Variants in TUBA1C observed in about 807,000 individuals in gnomAD.
TUBA1C encodes tubulin alpha 1c, also known as tubulin alpha-1C chain.
TUBA1C carries 16 observed loss-of-function variants against 34.9 expected under a neutral mutation model. The ratio of observed to expected loss-of-function variants is 0.46; its 90% confidence interval spans 0.31 to 0.70. The LOEUF (loss-of-function observed/expected upper bound fraction) is 0.70. Among genes scored for constraint, TUBA1C ranks in the 30% least tolerant of loss-of-function variants. The pLI, the probability that TUBA1C is intolerant of heterozygous loss-of-function variation, is 0.05. For synonymous variants in TUBA1C, 177 were observed against 215.9 expected, an observed-to-expected ratio of 0.82 and a Z score of 1.58; for missense variants, 329 against 587.3, an observed-to-expected ratio of 0.56 and a Z score of 4.55.
rs1317785403 is a variant in TUBA1C at position 49,265,092 on chromosome 12, C to T, written c.-90C>T. The T allele has an allele frequency of 3.4e-6, 5 of 1,490,322 alleles. No individual in the cohort carries two copies. Among genetic ancestry groups the T allele is most frequent in the South Asian group, 2.7e-5 (2 of 72,758 alleles). 92.3% of individuals were successfully genotyped at this position (1,490,322 alleles called of 1,614,324 possible). On this transcript the variant is annotated 5_prime_UTR_variant, in exon 1 of 4. Coordinates refer to ENST00000301072, the MANE Select transcript of TUBA1C (RefSeq NM_032704.5). ...GCCGGCCACCCTTTCACTACTTCTC[C>T]CCCGGACTCCTTGGTAGTCTGTTAG...
chr12:49,265,187 G>C lies in TUBA1C; in HGVS notation c.3+3G>C. On this transcript the variant is annotated splice_donor_region_variant and intron_variant, in intron 1 of 3. Coordinates refer to ENST00000301072, the MANE Select transcript of TUBA1C (RefSeq NM_032704.5). ...GACCCCTTCAAGTTCTAGTCATGGT[G>C]AGTGGGGTTCCCTCGGGGCTGGGGA... 6.2e-7 allele frequency: 1 copy of C among 1,602,950 alleles called. No homozygotes were observed. The highest frequency in any genetic ancestry group is 1.1e-5 in the South Asian group (1 of 89,750).
chr12:49,249,864 CAAT>C (rs767535451), intron 1 of TUBA1C, among the ~76,000 whole-genome samples: 12 of 150,782 alleles, frequency 8.0e-5, no homozygotes, highest in South Asian at 2.1e-4. Flanking sequence ...ACATTGTCTC[CAAT>C]AATAATAATA....
At chr12:49,264,809 TTCCTCC>T (rs1942879216), upstream of TUBA1C, 4 of 90,160 alleles carry the variant, frequency 4.4e-5, no homozygotes, top group Admixed American at 1.0e-4. Flanking sequence ...CTTCCTCCCC[TTCCTCC>T]CCTTCCTCCC....
intron 1 of TUBA1C, among the ~76,000 whole-genome samples, chr12:49,268,499 T>C (rs1942946179): frequency 6.6e-6 from 1 of 152,052 alleles, no homozygotes; most frequent in Non-Finnish European, 1.5e-5. Context: ...CACCTTGGCC[T>C]CCCAAAGTGC....
At chr12:49,264,025 C>T (rs1428278824), upstream of TUBA1C, among the ~76,000 whole-genome samples, 1 of 151,994 alleles carries the variant, frequency 6.6e-6, no homozygotes, top group African/African-American at 2.4e-5. Context: ...TCGAGACCAT[C>T]CTAGCTAACA....
intron 1 of TUBA1C, among the ~76,000 whole-genome samples, chr12:49,256,950 C>T (rs932072356): frequency 2.6e-5 from 4 of 151,920 alleles, no homozygotes; most frequent in African/African-American, 7.3e-5. Flanking sequence ...GAGGCTGAGG[C>T]GGGTGGATTA....
chr12:49,265,233 C>T (rs1188747217), intron 1 of TUBA1C, 49 bp downstream of exon 1: 8 of 1,528,954 alleles, frequency 5.2e-6, no homozygotes, highest in African/African-American at 4.1e-5. Context: ...TCCCAGGGGA[C>T]GGCGGGCCCG....
chr12:49,250,299 C>T (rs940672858), intron 1 of TUBA1C, among the ~76,000 whole-genome samples: 13 of 151,590 alleles, frequency 8.6e-5, no homozygotes, highest in South Asian at 2.1e-4. Context: ...CCCAGGCAGG[C>T]GGATCACGAG....
chr12:49,247,902 C>G (rs1942688383), intron 1 of TUBA1C, among the ~76,000 whole-genome samples: 1 of 144,804 alleles, frequency 6.9e-6, no homozygotes, highest in Non-Finnish European at 1.5e-5. Flanking sequence ...GAGCCGAGAT[C>G]CTGACACTAC....
intron 1 of TUBA1C, among the ~76,000 whole-genome samples, chr12:49,247,594 ACT>A (rs1417310471): frequency 1.3e-5 from 2 of 151,824 alleles, no homozygotes; most frequent in Non-Finnish European, 2.9e-5. Flanking sequence ...ACAGAGCGAG[ACT>A]CTGTCTCAAA....
intron 1 of TUBA1C, among the ~76,000 whole-genome samples, chr12:49,240,073 C>CACAG (rs1942597755): frequency 6.6e-6 from 1 of 151,390 alleles, no homozygotes; most frequent in African/African-American, 2.4e-5. Flanking sequence ...CACACACACA[C>CACAG]ACACCCTGCC....
intron 1 of TUBA1C, among the ~76,000 whole-genome samples, chr12:49,231,176 T>C (rs1223725016): frequency 2.6e-5 from 4 of 152,148 alleles, no homozygotes; most frequent in African/African-American, 9.7e-5. Context: ...TTAATTGTTG[T>C]TTTTTATAGT....
chr12:49,244,883 A>G (rs573478889), intron 1 of TUBA1C, among the ~76,000 whole-genome samples: 1 of 152,094 alleles, frequency 6.6e-6, no homozygotes, highest in Non-Finnish European at 1.5e-5. Flanking sequence ...ATCCTCCCAG[A>G]TGCTTGCTCA....
intron 1 of TUBA1C, among the ~76,000 whole-genome samples, chr12:49,228,990 C>T (rs943274814): frequency 2.6e-5 from 4 of 152,166 alleles, no homozygotes; most frequent in African/African-American, 9.7e-5. Flanking sequence ...TATTGAACTT[C>T]TCAGGAATAT....
At chr12:49,246,679 A>G (rs1221066592) in intron 1 of TUBA1C, among the ~76,000 whole-genome samples, 1 of 151,520 alleles carries the variant, frequency 6.6e-6, no homozygotes, top group African/African-American at 2.4e-5. Context: ...AAAAAAAAAG[A>G]GAAAATGGCC....
At position 49,269,962 on chromosome 12, in the gene TUBA1C, C is replaced by A; in HGVS notation, c.361C>A (p.Arg121=). 6.2e-7 allele frequency: 1 copy of A among 1,614,198 alleles called. No individual in the cohort carries two copies. Among genetic ancestry groups the A allele is most frequent in the Non-Finnish European group, 8.5e-7 (1 of 1,180,048 alleles). The part of the protein sequence containing the change: ...GKEIIDLVLD[R]IRKLADQCTG... ...GGAGATCATTGACCTCGTGTTGGAC[C>A]GAATTCGCAAGCTGGTAAGTATAGT... The change falls in exon 3 of 4, where the codon CGA becomes AGA. Residue 121 remains arginine, a synonymous_variant. Transcript: ENST00000301072.
chr12:49,245,707 G>A (rs1942660256), intron 1 of TUBA1C, among the ~76,000 whole-genome samples: 1 of 152,204 alleles, frequency 6.6e-6, no homozygotes, highest in East Asian at 1.9e-4. Flanking sequence ...CCGTCAGCAA[G>A]AGGATTTTGC....
intron 1 of TUBA1C, among the ~76,000 whole-genome samples, chr12:49,232,296 C>T (rs1477660321): frequency 6.6e-6 from 1 of 152,182 alleles, no homozygotes; most frequent in African/African-American, 2.4e-5. Context: ...TCCACCTTGT[C>T]CTTCTCAGCA....
rs1051264859 is a variant in TUBA1C at position 49,274,127 on chromosome 12, ATTT to A, written c.*906_*908del. ...AGGTGAGGCTTCAGACACGTCTTAA[ATTT>A]TTTTTCTTTGAGATGGTCTCTTTCC... On this transcript the variant is annotated 3_prime_UTR_variant, in exon 4 of 4. Transcript: ENST00000301072. 1 of 151,516 alleles carries A rather than the reference ATTT, an allele frequency of 6.6e-6. No homozygotes were observed. The highest frequency in any genetic ancestry group is 1.5e-5 in the Non-Finnish European group (1 of 67,926). The allele number at this position is 151,516 out of a possible 1,614,324, so 9.4% of individuals were successfully genotyped here.
Sources: allele counts gnomAD v4.1 joint callset (sites outside exome capture counted in the v4.1 genomes callset), GRCh38; gene constraint gnomAD v4.1.1; transcripts MANE v1.5; gene names NCBI Gene and HGNC (gene_info 2026-07-23, HGNC 2026-07-21).